Variants in GRIK2 observed in about 807,000 individuals in gnomAD.
The protein encoded by GRIK2 is glutamate receptor ionotropic, kainate 2.
A neutral mutation model predicts 100.3 loss-of-function variants in GRIK2; 32 were observed. The observed-to-expected ratio is 0.32, with a 90% CI of 0.24 to 0.43. GRIK2 has a LOEUF of 0.43. Among genes scored for constraint, GRIK2 ranks in the 20% least tolerant of loss-of-function variants. The pLI is 1.00. For synonymous variants in GRIK2, 417 were observed against 389.4 expected, an observed-to-expected ratio of 1.07 and a Z score of -0.83; for missense variants, 843 against 1,114.9, an observed-to-expected ratio of 0.76 and a Z score of 3.47.
At chr6:101,675,753 C>G (rs561959400) in intron 4 of GRIK2, among the ~76,000 whole-genome samples, 134 of 152,162 alleles carry the variant, frequency 8.8e-4, no homozygotes, top group Middle Eastern at 3.4e-3. Context: ...TAGGAGAATG[C>G]TTACTTTACA....
At chr6:101,668,050 A>G (rs550549186) in intron 4 of GRIK2, among the ~76,000 whole-genome samples, 1 of 152,336 alleles carries the variant, frequency 6.6e-6, no homozygotes, top group South Asian at 2.1e-4. Flanking sequence ...ATTTTAAAAT[A>G]AAGAAAATTT....
intron 7 of GRIK2, among the ~76,000 whole-genome samples, chr6:101,760,730 ATAATTATATATT>A (rs1359849540): frequency 2.2e-4 from 29 of 133,142 alleles, no homozygotes; most frequent in Non-Finnish European, 4.0e-4. Flanking sequence ...ATTTAATTAT[ATAATTATATATT>A]TAATTATATA....
chr6:101,837,591 T>C (rs1454304260), intron 10 of GRIK2, among the ~76,000 whole-genome samples: 1 of 152,200 alleles, frequency 6.6e-6, no homozygotes, highest in African/African-American at 2.4e-5. Flanking sequence ...GGGGAATTAA[T>C]TTTAGGCTGA....
intron 4 of GRIK2, among the ~76,000 whole-genome samples, chr6:101,657,137 T>C (rs1355594818): frequency 6.6e-6 from 1 of 152,234 alleles, no homozygotes; most frequent in Non-Finnish European, 1.5e-5. Flanking sequence ...CTGAGTGATA[T>C]TGATAGGCTT....
At chr6:101,592,510 A>G (rs1778701117) in intron 2 of GRIK2, among the ~76,000 whole-genome samples, 1 of 149,200 alleles carries the variant, frequency 6.7e-6, no homozygotes, top group African/African-American at 2.5e-5. Context: ...AGCTGACAAC[A>G]TTTCCATCAG....
At chr6:101,967,926 T>A (rs918423073) in intron 14 of GRIK2, among the ~76,000 whole-genome samples, 3 of 147,404 alleles carry the variant, frequency 2.0e-5, no homozygotes, top group South Asian at 2.2e-4. Context: ...CAACAACCCC[T>A]CCCACCCCCC....
At chr6:101,554,702 A>G (rs756619325) in intron 2 of GRIK2, among the ~76,000 whole-genome samples, 2 of 152,112 alleles carry the variant, frequency 1.3e-5, no homozygotes, top group African/African-American at 4.8e-5. Context: ...TTTTAGGGGT[A>G]AGGTTGTGGA....
intron 11 of GRIK2, among the ~76,000 whole-genome samples, chr6:101,875,694 A>T (rs1307593853): frequency 6.6e-6 from 1 of 151,798 alleles, no homozygotes; most frequent in African/African-American, 2.4e-5. Context: ...ATTGGAAGTT[A>T]TAAGCTTTAT....
At chr6:101,914,560 C>T (rs1192999677) in intron 12 of GRIK2, among the ~76,000 whole-genome samples, 1 of 151,424 alleles carries the variant, frequency 6.6e-6, no homozygotes, top group Non-Finnish European at 1.5e-5. Flanking sequence ...ATAGTCCTTG[C>T]AATGTGGGAG....
At chr6:102,057,747 C>G (rs533344754) in intron 16 of GRIK2, among the ~76,000 whole-genome samples, 49 of 151,962 alleles carry the variant, frequency 3.2e-4, no homozygotes, top group African/African-American at 1.2e-3. Context: ...TTGCTCCTCT[C>G]CAATTTGCAC....
At position 101,626,609 on chromosome 6, in the gene GRIK2, C is replaced by T. The variant is rs201025895; in HGVS notation, c.513C>T (p.Thr171=). The T allele has an allele frequency of 5.5e-5, 88 of 1,613,674 alleles. No individual in the cohort carries two copies. Among genetic ancestry groups the T allele is most frequent in the Admixed American group, 2.2e-4 (13 of 60,014 alleles). ...LDLVQFFKWK[T]VTVVYDDSTG... ...TGGTGCAGTTTTTCAAGTGGAAAAC[C>T]GTCACGGTTGTGTATGATGACAGCA... Residue 171 remains threonine, a synonymous_variant, in exon 4 of 17, where the codon ACC becomes ACT. Coordinates refer to ENST00000369134, the MANE Select transcript of GRIK2 (RefSeq NM_021956.5).
At chr6:101,757,747 C>T (rs760302772) in intron 7 of GRIK2, among the ~76,000 whole-genome samples, 17 of 152,128 alleles carry the variant, frequency 1.1e-4, no homozygotes, top group Non-Finnish European at 2.2e-4. Flanking sequence ...GAGATCCTTC[C>T]AGGTACAGTT....
At chr6:101,865,907 AAAAG>A (rs1470494667) in intron 11 of GRIK2, among the ~76,000 whole-genome samples, 2 of 151,768 alleles carry the variant, frequency 1.3e-5, no homozygotes, top group South Asian at 2.1e-4. Flanking sequence ...AGAAAAAAAA[AAAAG>A]AAAGAAATAC....
chr6:101,548,318 A>G (rs1776348705), intron 2 of GRIK2, among the ~76,000 whole-genome samples: 1 of 152,108 alleles, frequency 6.6e-6, no homozygotes, highest in Non-Finnish European at 1.5e-5. Flanking sequence ...GAAGCTCCTT[A>G]GTTGAATTAG....
chr6:101,526,617 G>A (rs1775168536), intron 2 of GRIK2, among the ~76,000 whole-genome samples: 2 of 152,186 alleles, frequency 1.3e-5, no homozygotes, highest in African/African-American at 4.8e-5. Flanking sequence ...TCCTCTAAAT[G>A]GGTGATGCTA....
intron 16 of GRIK2, among the ~76,000 whole-genome samples, chr6:102,063,248 T>C (rs1771844672): frequency 6.6e-6 from 1 of 150,828 alleles, no homozygotes; most frequent in Middle Eastern, 3.4e-3. Context: ...GGAATTATTC[T>C]GAATGAATAC....
At chr6:101,588,739 T>C (rs747270586) in intron 2 of GRIK2, among the ~76,000 whole-genome samples, 2 of 151,948 alleles carry the variant, frequency 1.3e-5, no homozygotes, top group Non-Finnish European at 2.9e-5. Context: ...TTTGGGTGCA[T>C]TGAAAGATCA....
chr6:101,412,293 T>C (rs1196509115), intron 2 of GRIK2, among the ~76,000 whole-genome samples: 1 of 152,080 alleles, frequency 6.6e-6, no homozygotes, highest in Non-Finnish European at 1.5e-5. Context: ...ATAAAAATGG[T>C]TTTTATCTGT....
intron 2 of GRIK2, among the ~76,000 whole-genome samples, chr6:101,405,970 G>T (rs977703483): frequency 6.6e-6 from 1 of 152,188 alleles, no homozygotes; most frequent in Admixed American, 6.5e-5. Flanking sequence ...AGCAGGTGAG[G>T]GGGGATGTGG....
Sources: gnomAD v4.1 joint callset for allele counts (sites outside exome capture counted in the v4.1 genomes callset) on GRCh38, gnomAD v4.1.1 for gene constraint, MANE v1.5 for transcripts, NCBI Gene and HGNC (gene_info 2026-07-23, HGNC 2026-07-21) for gene names.